Variants in AGTPBP1 observed in about 807,000 individuals in gnomAD.
AGTPBP1 encodes the protein cytosolic carboxypeptidase 1.
A neutral mutation model predicts 143.9 loss-of-function variants in AGTPBP1; 70 were observed. That is an observed-to-expected ratio of 0.49 (90% CI 0.40 to 0.59). The LOEUF (loss-of-function observed/expected upper bound fraction) is 0.59. Among genes scored for constraint, AGTPBP1 ranks in the 20% least tolerant of loss-of-function variants. The probability of loss-of-function intolerance (pLI) is 0.00; values close to 1 mark genes in which losing one functional copy is unlikely to be tolerated. For synonymous variants in AGTPBP1, 463 were observed against 500.2 expected (o/e 0.93, Z 0.99); for missense variants, 1,229 against 1,464.5 (o/e 0.84, Z 2.62).
chr9:85,695,714 A>G (rs1263617190), intron 2 of AGTPBP1, among the ~76,000 whole-genome samples: 1 of 152,196 alleles, frequency 6.6e-6, no homozygotes, highest in Non-Finnish European at 1.5e-5. Context: ...AATACATGCA[A>G]CTGTCTGAAT....
chr9:85,797,007 G>C, the AGTPBP1 span, among the ~76,000 whole-genome samples: 1 of 151,932 alleles, frequency 6.6e-6, no homozygotes, highest in Non-Finnish European at 1.5e-5. Flanking sequence ...GGATGGTCTC[G>C]ATCTCCCGAC....
chr9:85,663,474 T>G (rs1170061960), intron 8 of AGTPBP1, among the ~76,000 whole-genome samples: 1 of 151,918 alleles, frequency 6.6e-6, no homozygotes, highest in East Asian at 1.9e-4. Context: ...CCAACTAACT[T>G]AACCACATCC....
chr9:85,633,216 T>C lies in AGTPBP1; in HGVS notation c.1461A>G (p.Glu487=), dbSNP rs1564085813. ...MKENISSKGD[E]GEKKSTFMDL... is the part of the protein sequence containing the mutation. ...CCATAAAGGTAGACTTCTTTTCACC[T>C]TCATCTCCTTTAGAAGATATGTTCT... Residue 487 remains glutamate, a synonymous_variant, in exon 14 of 26, where the codon GAA becomes GAG. Coordinates refer to ENST00000357081, the MANE Select transcript of AGTPBP1 (RefSeq NM_001330701.2). 1 of 1,613,568 alleles carries C rather than the reference T, an allele frequency of 6.2e-7. No homozygotes were observed.
chr9:85,635,826 A>C (rs891743805), intron 13 of AGTPBP1, among the ~76,000 whole-genome samples: 1 of 151,670 alleles, frequency 6.6e-6, no homozygotes, highest in Non-Finnish European at 1.5e-5. Flanking sequence ...CTCCCACCAC[A>C]AAAGAAAAAA....
At position 85,710,892 on chromosome 9, in the gene AGTPBP1, A is replaced by T. The variant is rs76293233; in HGVS notation, c.32+1610T>A. Among the ~76,000 whole-genome samples the T allele has an allele frequency of 9.6e-3, 1,464 of 152,300 alleles. 12 individuals are homozygous for T. The highest frequency in any genetic ancestry group is 0.034 in the African/African-American group (1,401 of 41,562). ...TGATGCAAAAAGTAAGGCATTTTTT[A>T]AAAAGATCCTTTTTAAAATACAAAT... On this transcript the variant is annotated intron_variant, in intron 2 of 25. Transcript: ENST00000357081.
chr9:85,755,641 T>A, the AGTPBP1 span, among the ~76,000 whole-genome samples: 2 of 152,108 alleles, frequency 1.3e-5, no homozygotes. Flanking sequence ...ATACCAGCCA[T>A]GTGGATAGAC....
Position 85,577,220 on chromosome 9 carries a change from C to T in AGTPBP1, c.3342+1700G>A, listed in dbSNP as rs559059604. Among the ~76,000 whole-genome samples, 38 of 152,214 alleles carry T rather than the reference C, an allele frequency of 2.5e-4. 1 individual carries two copies. Among genetic ancestry groups the T allele is most frequent in the South Asian group, 4.1e-4 (2 of 4,828 alleles). On this transcript the variant is annotated intron_variant, in intron 24 of 25. Coordinates refer to ENST00000357081, the MANE Select transcript of AGTPBP1 (RefSeq NM_001330701.2). Reference sequence around the variant, plus strand: ...TCAGGGGCATCCAAGTCAGATGTCCCGACAGCTTCTTTCCCCACTGCCCAG... The same window carrying T: ...TCAGGGGCATCCAAGTCAGATGTCCTGACAGCTTCTTTCCCCACTGCCCAG...
chr9:85,656,559 A>C (rs766527910), intron 10 of AGTPBP1, among the ~76,000 whole-genome samples: 1 of 152,102 alleles, frequency 6.6e-6, no homozygotes, highest in South Asian at 2.1e-4. Context: ...TAACTGGCTG[A>C]TATTTTCAAA....
intron 25 of AGTPBP1, among the ~76,000 whole-genome samples, chr9:85,556,468 A>G (rs1423671383): frequency 6.6e-6 from 1 of 152,152 alleles, no homozygotes; most frequent in Non-Finnish European, 1.5e-5. Context: ...AAATACAGTA[A>G]CTTACAAGCT....
At chr9:85,631,242 T>C (rs1199211879) in intron 14 of AGTPBP1, among the ~76,000 whole-genome samples, 1 of 152,156 alleles carries the variant, frequency 6.6e-6, no homozygotes, top group Non-Finnish European at 1.5e-5. Flanking sequence ...AAACAGAAAG[T>C]CCCTGGGTGG....
chr9:85,786,132 A>C, the AGTPBP1 span: 24 of 1,608,298 alleles, frequency 1.5e-5, no homozygotes, highest in South Asian at 2.4e-4. Context: ...TCCTGAAGCC[A>C]GAAGGAGGCA....
chr9:85,641,209 A>G (rs1000192683), intron 13 of AGTPBP1, among the ~76,000 whole-genome samples: 2 of 152,182 alleles, frequency 1.3e-5, no homozygotes, highest in Admixed American at 6.5e-5. Context: ...TATATTTCTC[A>G]TATGTACAGA....
chr9:85,763,262 A>G, the AGTPBP1 span, among the ~76,000 whole-genome samples: 1 of 152,120 alleles, frequency 6.6e-6, no homozygotes, highest in Admixed American at 6.6e-5. Flanking sequence ...GGCACCAACT[A>G]TGAAAAAGGA....
At chr9:85,783,865 T>C in the AGTPBP1 span, among the ~76,000 whole-genome samples, 17 of 152,186 alleles carry the variant, frequency 1.1e-4, no homozygotes, top group Admixed American at 1.0e-3. Context: ...CCTCAGGTGA[T>C]CCACCAGCCT....
chr9:85,586,689 T>C (rs1828633146), intron 22 of AGTPBP1, 142 bp downstream of exon 22: 1 of 1,033,362 alleles, frequency 9.7e-7, no homozygotes, highest in Non-Finnish European at 1.4e-6. Context: ...CTTATGAGAA[T>C]TACAAACATT....
chr9:85,550,560 T>C (rs1341361365), intron 25 of AGTPBP1, among the ~76,000 whole-genome samples: 1 of 152,130 alleles, frequency 6.6e-6, no homozygotes, highest in Non-Finnish European at 1.5e-5. Context: ...TTTGAACAAG[T>C]TCATCTATTT....
the AGTPBP1 span, chr9:85,773,877 T>C: frequency 1.2e-6 from 2 of 1,610,988 alleles, no homozygotes; most frequent in East Asian, 2.2e-5. Context: ...ACAACAATTA[T>C]ATAATGAAGA....
intron 8 of AGTPBP1, among the ~76,000 whole-genome samples, chr9:85,665,732 T>C (rs1226791152): frequency 1.3e-5 from 2 of 152,202 alleles, no homozygotes; most frequent in Non-Finnish European, 2.9e-5. Flanking sequence ...TGTTTATTTT[T>C]CAACACTGGA....
At chr9:85,799,524 T>G in the AGTPBP1 span, among the ~76,000 whole-genome samples, 4 of 152,094 alleles carry the variant, frequency 2.6e-5, no homozygotes, top group African/African-American at 9.7e-5. Flanking sequence ...TTGTTAAATT[T>G]GTATTATTTT....
Sources: gnomAD v4.1 joint callset for allele counts (sites outside exome capture counted in the v4.1 genomes callset) on GRCh38, gnomAD v4.1.1 for gene constraint, MANE v1.5 for transcripts, NCBI Gene and HGNC (gene_info 2026-07-23, HGNC 2026-07-21) for gene names.